The following PPM1D variants were observed in gnomAD, a reference collection of about 807,000 sequenced individuals.
The protein encoded by PPM1D is protein phosphatase 1D.
In PPM1D, 52 loss-of-function variants were observed where a neutral mutation model predicts 58.3. The observed-to-expected ratio is 0.89, with a 90% CI of 0.71 to 1.12. PPM1D has a LOEUF of 1.12. Ranked by LOEUF, PPM1D falls within the 50% of genes most tolerant of loss-of-function variation. PPM1D has a pLI of 0.00. For synonymous variants in PPM1D, 278 were observed against 285.1 expected, an observed-to-expected ratio of 0.98 and a Z score of 0.25; for missense variants, 564 against 777.2, an observed-to-expected ratio of 0.73 and a Z score of 3.26.
At chr17:60,657,932 G>T (rs1051485127) in intron 5 of PPM1D, among the ~76,000 whole-genome samples, 1 of 152,006 alleles carries the variant, frequency 6.6e-6, no homozygotes, top group African/African-American at 2.4e-5. Context: ...GTAGAGATGG[G>T]GTTTCACCAT....
intron 5 of PPM1D, among the ~76,000 whole-genome samples, chr17:60,660,868 T>C (rs2143727038): frequency 6.6e-6 from 1 of 152,310 alleles, no homozygotes; most frequent in East Asian, 1.9e-4. Flanking sequence ...CTAGACAAAT[T>C]AAAGGAAACA....
chr17:60,652,563 T>G (rs889254530), intron 4 of PPM1D, among the ~76,000 whole-genome samples: 30 of 146,884 alleles, frequency 2.0e-4, no homozygotes, highest in Non-Finnish European at 4.4e-4. Flanking sequence ...TTTTTTTTTT[T>G]TTTTTTTTTT....
Position 60,663,339 on chromosome 17 carries a change from A to C in PPM1D, c.1605A>C (p.Lys535Asn). The change falls in exon 6 of 6, where the codon AAA becomes AAC. Residue 535 changes from lysine to asparagine, a missense_variant. This residue lies in a region of PPM1D where 261 missense variants were observed against 270.1 expected (regional missense o/e 0.97). Coordinates refer to ENST00000305921, the MANE Select transcript of PPM1D (RefSeq NM_003620.4). ...AAAGAACCCCTCCAACAAACTTTAA[A>C]AGGACATTAGAAGAGTCCAATTCTG... is the stretch of plus-strand genomic sequence containing the variant. ...EIERTPPTNFKRTLEESNSGP... is the reference protein window; with the variant it reads ...EIERTPPTNFNRTLEESNSGP... 6.2e-7 allele frequency: 1 copy of C among 1,614,214 alleles called. No homozygotes were observed. The highest frequency in any genetic ancestry group is 8.5e-7 in the Non-Finnish European group (1 of 1,180,034).
At chr17:60,605,891 C>T (rs980814354) in intron 1 of PPM1D, among the ~76,000 whole-genome samples, 11 of 152,214 alleles carry the variant, frequency 7.2e-5, no homozygotes, top group Middle Eastern at 3.4e-3. Flanking sequence ...GGAGAAGACG[C>T]GAGACTCTGT....
At position 60,656,755 on chromosome 17, in the gene PPM1D, T is replaced by C; in HGVS notation, c.1174T>C (p.Tyr392His). Residue 392 changes from tyrosine to histidine, a missense_variant, in exon 5 of 6, where the codon TAC becomes CAC. This residue lies in a region of PPM1D where 261 missense variants were observed against 270.1 expected (regional missense o/e 0.97). Coordinates refer to ENST00000305921, the MANE Select transcript of PPM1D (RefSeq NM_003620.4). ...QGNFTNEDEL[Y>H]LNLTDSPSYN... The stretch of plus-strand genomic sequence containing the variant: ...AAACTTTACCAATGAAGATGAGTTA[T>C]ACCTGAACCTGACTGACAGCCCTTC... 2 of 1,614,228 alleles carry C rather than the reference T, an allele frequency of 1.2e-6. No individual in the cohort carries two copies. Among genetic ancestry groups the C allele is most frequent in the African/African-American group, 1.3e-5 (1 of 75,062 alleles).
rs894963674 is a variant in PPM1D at position 60,664,126 on chromosome 17, A to G, written c.*574A>G. On this transcript the variant is annotated 3_prime_UTR_variant, in exon 6 of 6. Coordinates refer to ENST00000305921, the MANE Select transcript of PPM1D (RefSeq NM_003620.4). ...TCATAGAAGTGTTGAGCCATGCTAC[A>G]GTTAGTCTTGTCCCAATTAAAATAC... 6.5e-6 allele frequency: 1 copy of G among 153,944 alleles called. No homozygotes were observed. The highest frequency in any genetic ancestry group is 1.5e-5 in the Non-Finnish European group (1 of 68,928). The allele number at this position is 153,944 out of a possible 1,614,324, so 9.5% of individuals were successfully genotyped here. A position where few individuals can be genotyped will look rare whatever the true frequency, so the allele number is the denominator to read the frequency against.
intron 1 of PPM1D, among the ~76,000 whole-genome samples, chr17:60,605,436 C>T (rs2030310257): frequency 6.6e-6 from 1 of 152,208 alleles, no homozygotes; most frequent in Non-Finnish European, 1.5e-5. Context: ...CTGCCTTACT[C>T]ATCTTTAATT....
chr17:60,625,865 C>T (rs112343292), intron 2 of PPM1D, among the ~76,000 whole-genome samples: 42 of 151,684 alleles, frequency 2.8e-4, no homozygotes, highest in African/African-American at 4.6e-4. Flanking sequence ...TTTTTAATGG[C>T]GACATTCATT....
intron 5 of PPM1D, among the ~76,000 whole-genome samples, chr17:60,660,587 C>G (rs1041250881): frequency 6.6e-6 from 1 of 151,780 alleles, no homozygotes; most frequent in Non-Finnish European, 1.5e-5. Flanking sequence ...ATGGTGAAAC[C>G]CCATCTCTAC....
intron 5 of PPM1D, among the ~76,000 whole-genome samples, chr17:60,658,648 C>CAAAA (rs542643373): frequency 3.0e-5 from 2 of 67,462 alleles, no homozygotes; most frequent in African/African-American, 1.1e-4. Flanking sequence ...AACCCCATCT[C>CAAAA]AAAAAAAAAA....
chr17:60,626,832 C>T (rs1393924304), intron 2 of PPM1D, among the ~76,000 whole-genome samples: 1 of 152,152 alleles, frequency 6.6e-6, no homozygotes, highest in Admixed American at 6.5e-5. Flanking sequence ...ATGTGAGCCA[C>T]GTGCCCAGCT....
In PPM1D at chr17:60,600,414, C is replaced by T. The variant is rs1265657532; in HGVS notation, c.-1C>T. The T allele has an allele frequency of 4.5e-6, 7 of 1,545,782 alleles. No homozygotes were observed. Among genetic ancestry groups the T allele is most frequent in the Non-Finnish European group, 6.1e-6 (7 of 1,145,754 alleles). On this transcript the variant is annotated 5_prime_UTR_variant, in exon 1 of 6. Coordinates refer to ENST00000305921, the MANE Select transcript of PPM1D (RefSeq NM_003620.4). ...ACCGGCGGGATCCCGGCCAGCCGGCCATGGCGGGGCTGTACTCGCTGGGAG... is the reference window on the plus strand; with the variant it reads ...ACCGGCGGGATCCCGGCCAGCCGGCTATGGCGGGGCTGTACTCGCTGGGAG...
chr17:60,654,689 C>T (rs2031402324), intron 4 of PPM1D, among the ~76,000 whole-genome samples: 1 of 151,320 alleles, frequency 6.6e-6, no homozygotes, highest in African/African-American at 2.4e-5. Flanking sequence ...TGGTGAAACC[C>T]CGTCTCTACT....
rs527592796 is a variant in PPM1D, at chr17:60,658,019, G to T, written c.1260+1178G>T. ...GCCTCCCAAAGTGCTGGTATTATAG[G>T]CCTGGCTGAAATGAAGTATTTTCAT... On this transcript the variant is annotated intron_variant, in intron 5 of 5. Transcript: ENST00000305921. Among the ~76,000 whole-genome samples the T allele has an allele frequency of 2.0e-5, 3 of 152,278 alleles. No individual in the cohort carries two copies. The East Asian group carries it at 5.8e-4, about 29-fold the overall frequency.
At chr17:60,607,634 A>C (rs2030358783) in intron 1 of PPM1D, among the ~76,000 whole-genome samples, 1 of 152,178 alleles carries the variant, frequency 6.6e-6, no homozygotes, top group Admixed American at 6.5e-5. Flanking sequence ...AGGCTTTTTT[A>C]GGTTTACTTA....
intron 3 of PPM1D, among the ~76,000 whole-genome samples, chr17:60,641,251 C>G (rs999260936): frequency 9.2e-5 from 14 of 152,158 alleles, no homozygotes; most frequent in Non-Finnish European, 1.8e-4. Context: ...GCAGCTTTGC[C>G]AGCATTGTCA....
chr17:60,608,842 G>C (rs977506356), intron 1 of PPM1D, among the ~76,000 whole-genome samples: 2 of 151,472 alleles, frequency 1.3e-5, no homozygotes, highest in Admixed American at 1.3e-4. Context: ...CTGCCTCCTG[G>C]GTTCACACCA....
intron 2 of PPM1D, among the ~76,000 whole-genome samples, chr17:60,627,532 C>T (rs568821124): frequency 2.0e-5 from 3 of 152,026 alleles, no homozygotes; most frequent in East Asian, 3.9e-4. Flanking sequence ...AGCGATTCTC[C>T]TGCCTCAGCC....
chr17:60,626,833 G>C (rs1214949959), intron 2 of PPM1D, among the ~76,000 whole-genome samples: 1 of 152,086 alleles, frequency 6.6e-6, no homozygotes, highest in Non-Finnish European at 1.5e-5. Context: ...TGTGAGCCAC[G>C]TGCCCAGCTT....
Sources: allele counts gnomAD v4.1 joint callset (sites outside exome capture counted in the v4.1 genomes callset), GRCh38; gene constraint gnomAD v4.1.1; regional missense constraint gnomAD v4.1.1; transcripts MANE v1.5; gene names NCBI Gene and HGNC (gene_info 2026-07-23, HGNC 2026-07-21).